Variants in CENPQ observed in about 807,000 individuals in gnomAD.
CENPQ encodes chromosome 6 open reading frame 139.
Under a neutral mutation model 36.6 loss-of-function variants are expected in CENPQ, and 27 were observed. The observed-to-expected ratio is 0.74, with a 90% CI of 0.54 to 1.02. CENPQ has a LOEUF of 1.02. Among genes scored for constraint, CENPQ ranks in the 50% least tolerant of loss-of-function variants. The pLI is 0.00. For missense variants in CENPQ, 306 were observed against 301.8 expected (o/e 1.01, Z -0.10); for synonymous variants, 101 against 101.7 (o/e 0.99, Z 0.04).
At chr6:49,464,382 G>A (rs1311483522) in intron 1 of CENPQ, among the ~76,000 whole-genome samples, 1 of 152,180 alleles carries the variant, frequency 6.6e-6, no homozygotes, top group Non-Finnish European at 1.5e-5. Flanking sequence ...CTTGCTTGAT[G>A]TTGATGGCTG....
chr6:49,472,005 A>G, intron 3 of CENPQ, 58 bp from the exon 4 acceptor site: 1 of 1,509,642 alleles, frequency 6.6e-7, no homozygotes, highest in Middle Eastern at 1.8e-4. Flanking sequence ...TTCCATTTTT[A>G]AGCAAAAACA....
chr6:49,482,653 T>TGCTCGGCGATTGGCGATGGTCTCACC (rs1768466977), intron 6 of CENPQ, among the ~76,000 whole-genome samples: 1 of 122,818 alleles, frequency 8.1e-6, no homozygotes, highest in Non-Finnish European at 1.7e-5. Flanking sequence ...ATGGTCTCAC[T>TGCTCGGCGATTGGCGATGGTCTCACC]GCTCGGCGAT....
chr6:49,482,209 A>G (rs938733390), intron 6 of CENPQ, among the ~76,000 whole-genome samples: 1 of 151,918 alleles, frequency 6.6e-6, no homozygotes, highest in African/African-American at 2.4e-5. Flanking sequence ...CTCTCCCTCC[A>G]CACCTCCCTG....
chr6:49,471,876 C>T (rs932086928), intron 3 of CENPQ, among the ~76,000 whole-genome samples, 187 bp from the exon 4 acceptor site: 2 of 152,114 alleles, frequency 1.3e-5, no homozygotes, highest in Admixed American at 1.3e-4. Context: ...CAATAGAAAG[C>T]ATATTCATAT....
At position 49,481,063 on chromosome 6, in the gene CENPQ, G is replaced by A. The variant is rs769296135; in HGVS notation, c.460G>A (p.Gly154Ser). ...GGCACGAGACAAAGCTAATGAAGAAGGTCTGGCATTACTACAGGTATGAAA... is the reference window on the plus strand; with the variant it reads ...GGCACGAGACAAAGCTAATGAAGAAAGTCTGGCATTACTACAGGTATGAAA... ...ERARDKANEE[G>S]LALLQEEIDK... The change falls in exon 6 of 9, where the codon GGT becomes AGT. Residue 154 changes from glycine to serine, a missense_variant. Coordinates refer to ENST00000335783, the MANE Select transcript of CENPQ (RefSeq NM_018132.4). 6.2e-7 allele frequency: 1 copy of A among 1,606,648 alleles called. No individual in the cohort carries two copies. The highest frequency in any genetic ancestry group is 8.5e-7 in the Non-Finnish European group (1 of 1,177,810).
At chr6:49,484,238 C>G (rs373860039) in intron 6 of CENPQ, among the ~76,000 whole-genome samples, 9 of 152,264 alleles carry the variant, frequency 5.9e-5, no homozygotes, top group South Asian at 4.1e-4. Flanking sequence ...CTAAATTATT[C>G]TGTTTTTATA....
At chr6:49,472,426 AT>A (rs1423102933) in intron 4 of CENPQ, among the ~76,000 whole-genome samples, 1 of 152,184 alleles carries the variant, frequency 6.6e-6, no homozygotes, top group Non-Finnish European at 1.5e-5. Flanking sequence ...TATCAATAAA[AT>A]TTTAATTTTT....
chr6:49,474,283 C>T (rs1250174543), intron 5 of CENPQ, among the ~76,000 whole-genome samples: 1 of 152,170 alleles, frequency 6.6e-6, no homozygotes, highest in East Asian at 1.9e-4. Flanking sequence ...CACTCCTCAG[C>T]AAATGCAAAA....
chr6:49,475,183 T>G (rs972251887), intron 5 of CENPQ, among the ~76,000 whole-genome samples: 1 of 152,174 alleles, frequency 6.6e-6, no homozygotes, highest in African/African-American at 2.4e-5. Context: ...AAATCCTCAA[T>G]AAAATACTGG....
chr6:49,466,218 A>C (rs1220424355), intron 1 of CENPQ, among the ~76,000 whole-genome samples: 1 of 152,244 alleles, frequency 6.6e-6, no homozygotes, highest in Non-Finnish European at 1.5e-5. Flanking sequence ...GGCATGGTTC[A>C]TGGTGCCCTA....
intron 6 of CENPQ, among the ~76,000 whole-genome samples, chr6:49,485,445 G>A (rs1015014343): frequency 2.6e-5 from 4 of 152,090 alleles, no homozygotes; most frequent in Non-Finnish European, 5.9e-5. Flanking sequence ...ATCAGAGTTA[G>A]CATAAGAAAA....
At chr6:49,471,739 T>G (rs1476963541) in intron 3 of CENPQ, among the ~76,000 whole-genome samples, 1 of 152,192 alleles carries the variant, frequency 6.6e-6, no homozygotes, top group African/African-American at 2.4e-5. Context: ...AATAGTTTCC[T>G]GGTCCTCTCA....
At chr6:49,490,577 A>C (rs1474649557) in intron 8 of CENPQ, among the ~76,000 whole-genome samples, 1 of 152,174 alleles carries the variant, frequency 6.6e-6, no homozygotes, top group Non-Finnish European at 1.5e-5. Context: ...CTTTGCATTC[A>C]CAACTTGGGC....
intron 6 of CENPQ, among the ~76,000 whole-genome samples, chr6:49,484,019 ATCT>A (rs1768520376): frequency 6.6e-6 from 1 of 152,214 alleles, no homozygotes; most frequent in African/African-American, 2.4e-5. Context: ...TAACTGAACT[ATCT>A]TAGTATTTTT....
intron 5 of CENPQ, among the ~76,000 whole-genome samples, chr6:49,479,745 A>C (rs1768385235): frequency 6.6e-6 from 1 of 152,180 alleles, no homozygotes; most frequent in African/African-American, 2.4e-5. Context: ...GTGGTAGATT[A>C]GATAAAGAAA....
chr6:49,476,551 A>G (rs890072621), intron 5 of CENPQ, among the ~76,000 whole-genome samples: 4 of 152,252 alleles, frequency 2.6e-5, no homozygotes, highest in Non-Finnish European at 4.4e-5. Context: ...AGCAATGACA[A>G]CAAAAGCCAA....
At chr6:49,491,241 G>A (rs1768716501) in intron 8 of CENPQ, among the ~76,000 whole-genome samples, 1 of 152,250 alleles carries the variant, frequency 6.6e-6, no homozygotes, top group South Asian at 2.1e-4. Context: ...TTTCTCATTC[G>A]ACTGTATAGT....
rs1182617380 is a variant in CENPQ, at chr6:49,477,561, T to TATA, written c.348-3385_348-3383dup. 7.4e-5 allele frequency among the ~76,000 whole-genome samples: 11 copies of TATA among 148,892 alleles called. No individual in the cohort carries two copies. In the South Asian group the frequency reaches 2.3e-3, roughly 31 times the overall value. ...TGCACATGTACCCTAGAACTTAAAG[T>TATA]ATAATAAAAAAAAAAAAAAGAAAAT... On this transcript the variant is annotated intron_variant, in intron 5 of 8. Transcript: ENST00000335783.
At chr6:49,489,319 T>A (rs1675281524) in intron 8 of CENPQ, among the ~76,000 whole-genome samples, 1 of 152,226 alleles carries the variant, frequency 6.6e-6, no homozygotes, top group African/African-American at 2.4e-5. Context: ...CTTTCTTTGC[T>A]CATCCATAAG....
Sources: gnomAD v4.1 joint callset for allele counts (sites outside exome capture counted in the v4.1 genomes callset) on GRCh38, gnomAD v4.1.1 for gene constraint, MANE v1.5 for transcripts, NCBI Gene and HGNC (gene_info 2026-07-23, HGNC 2026-07-21) for gene names.